Variants in SUCLG2 observed in about 807,000 individuals in gnomAD.
SUCLG2 encodes the protein succinate--CoA ligase [GDP-forming] subunit beta, mitochondrial.
SUCLG2 carries 42 observed loss-of-function variants against 47.9 expected under a neutral mutation model. That is an observed-to-expected ratio of 0.88 (90% CI 0.69 to 1.14). The LOEUF (loss-of-function observed/expected upper bound fraction) is 1.14, where lower values mean the gene tolerates loss of function less well. Among genes scored for constraint, SUCLG2 ranks in the 50% most tolerant of loss-of-function variants. The probability of loss-of-function intolerance (pLI) is 0.00; values close to 1 mark genes in which losing one functional copy is unlikely to be tolerated. For synonymous variants in SUCLG2, 195 were observed against 197.3 expected (o/e 0.99, Z 0.10); for missense variants, 571 against 525.9 (o/e 1.09, Z -0.84).
rs55813927 is a variant in SUCLG2, at chr3:67,411,337, T to C, written c.1063-10486A>G. On this transcript the variant is annotated intron_variant, in intron 9 of 10. Coordinates refer to ENST00000307227, the MANE Select transcript of SUCLG2 (RefSeq NM_003848.4). The stretch of plus-strand genomic sequence containing the variant: ...TTTAGTTAATGGCAAAACCCACTGT[T>C]TCTGTAAATAACAAATCTAATGTAA... Among the ~76,000 whole-genome samples the C allele has an allele frequency of 8.4e-3, 1,279 of 152,194 alleles. 16 individuals are homozygous for C. The highest frequency in any genetic ancestry group is 0.028 in the African/African-American group (1,181 of 41,532).
chr3:67,511,506 T>C (rs1031242682), intron 6 of SUCLG2, among the ~76,000 whole-genome samples: 8 of 152,152 alleles, frequency 5.3e-5, no homozygotes, highest in Admixed American at 5.2e-4. Context: ...GGGGTTCCTC[T>C]GCACAAGCTC....
intron 5 of SUCLG2, among the ~76,000 whole-genome samples, chr3:67,519,074 A>G (rs1205448113): frequency 6.6e-6 from 1 of 152,078 alleles, no homozygotes. Context: ...AAAAAAAAAA[A>G]TCAATTCCCA....
intron 2 of SUCLG2, among the ~76,000 whole-genome samples, chr3:67,608,829 C>T (rs1559594237): frequency 6.6e-6 from 1 of 152,092 alleles, no homozygotes; most frequent in Non-Finnish European, 1.5e-5. Context: ...AGGCATACAC[C>T]ACCATACTAG....
intron 3 of SUCLG2, 85 bp downstream of exon 3, chr3:67,529,002 C>A (rs1046301281): frequency 7.1e-5 from 86 of 1,216,364 alleles, no homozygotes; most frequent in Non-Finnish European, 9.6e-5. Context: ...CCACCACAAC[C>A]AACCTCAGTG....
chr3:67,535,308 A>C (rs1347490871), intron 2 of SUCLG2, among the ~76,000 whole-genome samples: 1 of 152,022 alleles, frequency 6.6e-6, no homozygotes, highest in Non-Finnish European at 1.5e-5. Context: ...AGCTGAGAAA[A>C]GGCACGTCTA....
chr3:67,637,849 G>A (rs908934745), intron 1 of SUCLG2, among the ~76,000 whole-genome samples: 29 of 152,112 alleles, frequency 1.9e-4, no homozygotes, highest in African/African-American at 5.1e-4. Flanking sequence ...GCTATAAGAG[G>A]ACAGTTAAAC....
intron 2 of SUCLG2, among the ~76,000 whole-genome samples, chr3:67,586,558 C>A (rs1708024534): frequency 6.6e-6 from 1 of 152,058 alleles, no homozygotes; most frequent in Non-Finnish European, 1.5e-5. Context: ...TGTTCATGAT[C>A]CTATGGGGTA....
At chr3:67,489,058 A>G (rs1428053875) in intron 9 of SUCLG2, among the ~76,000 whole-genome samples, 1 of 152,184 alleles carries the variant, frequency 6.6e-6, no homozygotes, top group African/African-American at 2.4e-5. Context: ...GAGCATGTAA[A>G]TAGATTTTGA....
At chr3:67,645,308 T>C (rs1559611015) in intron 1 of SUCLG2, among the ~76,000 whole-genome samples, 1 of 152,046 alleles carries the variant, frequency 6.6e-6, no homozygotes, top group African/African-American at 2.4e-5. Context: ...AAGGATCCAT[T>C]AGACACTCAC....
intron 1 of SUCLG2, among the ~76,000 whole-genome samples, chr3:67,625,438 C>T (rs960544742): frequency 6.6e-6 from 1 of 152,176 alleles, no homozygotes; most frequent in African/African-American, 2.4e-5. Flanking sequence ...AAATGCACCA[C>T]AGTGGGGATT....
chr3:67,604,703 G>A (rs1708491024), intron 2 of SUCLG2, among the ~76,000 whole-genome samples: 1 of 152,262 alleles, frequency 6.6e-6, no homozygotes, highest in East Asian at 1.9e-4. Flanking sequence ...ATTTAGGTCA[G>A]GTGTGCCAAA....
At chr3:67,531,711 A>C (rs1706408454) in intron 2 of SUCLG2, among the ~76,000 whole-genome samples, 1 of 152,188 alleles carries the variant, frequency 6.6e-6, no homozygotes, top group Non-Finnish European at 1.5e-5. Context: ...ATTACATCTC[A>C]AGTGCTAAAT....
chr3:67,474,208 C>T (rs1575720577), intron 9 of SUCLG2, among the ~76,000 whole-genome samples: 1 of 151,342 alleles, frequency 6.6e-6, no homozygotes, highest in South Asian at 2.1e-4. Flanking sequence ...TGCAGTGAGC[C>T]GAGATTGCGC....
At chr3:67,627,722 C>G (rs1275167537) in intron 1 of SUCLG2, among the ~76,000 whole-genome samples, 2 of 152,194 alleles carry the variant, frequency 1.3e-5, no homozygotes, top group Non-Finnish European at 2.9e-5. Context: ...TAGCCCCTGG[C>G]CCCACAGCTC....
chr3:67,618,568 C>T (rs1047481947), intron 1 of SUCLG2, among the ~76,000 whole-genome samples: 1 of 152,124 alleles, frequency 6.6e-6, no homozygotes, highest in African/African-American at 2.4e-5. Context: ...GAGAGAGTCA[C>T]GATTTGAATC....
intron 9 of SUCLG2, among the ~76,000 whole-genome samples, chr3:67,474,482 G>A (rs1704693123): frequency 6.6e-6 from 1 of 152,080 alleles, no homozygotes; most frequent in Non-Finnish European, 1.5e-5. Flanking sequence ...TGATTTGATT[G>A]GTGACTATAA....
At chr3:67,626,159 A>T (rs1700825563) in intron 1 of SUCLG2, among the ~76,000 whole-genome samples, 1 of 151,628 alleles carries the variant, frequency 6.6e-6, no homozygotes, top group African/African-American at 2.4e-5. Flanking sequence ...AGCTGGGAGT[A>T]ATTTTTGTAT....
chr3:67,478,805 C>T (rs935894039), intron 9 of SUCLG2, among the ~76,000 whole-genome samples: 5 of 152,200 alleles, frequency 3.3e-5, no homozygotes, highest in African/African-American at 1.2e-4. Context: ...TCTACATACC[C>T]TCATCGGGTC....
intron 9 of SUCLG2, among the ~76,000 whole-genome samples, chr3:67,423,167 C>G (rs1006006966): frequency 6.6e-5 from 10 of 152,042 alleles, no homozygotes; most frequent in African/African-American, 1.2e-4. Context: ...GGGCGGTTCC[C>G]CCATGCTGTT....
Sources: gnomAD v4.1 joint callset for allele counts (sites outside exome capture counted in the v4.1 genomes callset) on GRCh38, gnomAD v4.1.1 for gene constraint, MANE v1.5 for transcripts, NCBI Gene and HGNC (gene_info 2026-07-23, HGNC 2026-07-21) for gene names.